Variants in DNAL1 observed in about 807,000 individuals in gnomAD.
DNAL1 encodes the protein dynein axonemal light chain 1.
A neutral mutation model predicts 29.4 loss-of-function variants in DNAL1; 17 were observed. The observed-to-expected ratio is 0.58, with a 90% CI of 0.40 to 0.87. DNAL1 has a LOEUF of 0.87. Among genes scored for constraint, DNAL1 ranks in the 40% least tolerant of loss-of-function variants. The pLI is 0.00. For synonymous variants in DNAL1, 78 were observed against 76.3 expected (o/e 1.02, Z -0.12); for missense variants, 188 against 214.1 (o/e 0.88, Z 0.76).
intron 1 of DNAL1, among the ~76,000 whole-genome samples, chr14:73,649,196 G>A (rs1451301314): frequency 1.3e-5 from 2 of 151,522 alleles, no homozygotes; most frequent in Admixed American, 6.6e-5. Context: ...GGCTGGTCTC[G>A]AACTCTTGAC....
At chr14:73,650,237 C>T (rs571927915) in intron 1 of DNAL1, among the ~76,000 whole-genome samples, 1 of 152,296 alleles carries the variant, frequency 6.6e-6, no homozygotes, top group South Asian at 2.1e-4. Context: ...GATCCTCTGA[C>T]CTCAGCCTCC....
At chr14:73,647,796 G>A (rs966135637) in intron 1 of DNAL1, among the ~76,000 whole-genome samples, 2 of 152,178 alleles carry the variant, frequency 1.3e-5, no homozygotes, top group African/African-American at 4.8e-5. Flanking sequence ...TACTAACAGT[G>A]TTGTGAAAAT....
At chr14:73,649,428 G>T (rs370132953) in intron 1 of DNAL1, among the ~76,000 whole-genome samples, 5 of 150,856 alleles carry the variant, frequency 3.3e-5, no homozygotes, top group Non-Finnish European at 7.4e-5. Flanking sequence ...GACTACAGGC[G>T]CCTGCCACCA....
chr14:73,645,163 C>A, intron 1 of DNAL1, 121 bp downstream of exon 1: 1 of 1,524,890 alleles, frequency 6.6e-7, no homozygotes, highest in Non-Finnish European at 8.9e-7. Flanking sequence ...GTAGCTGACG[C>A]TAGCTCTGTG....
At position 73,676,013 on chromosome 14, in the gene DNAL1, C is replaced by T. The variant is rs184375581; in HGVS notation, c.264+4416C>T. Among the ~76,000 whole-genome samples, 767 of 151,324 alleles carry T rather than the reference C, an allele frequency of 5.1e-3. 3 individuals carry two copies. The highest frequency in any genetic ancestry group is 8.1e-3 in the Non-Finnish European group (552 of 67,884). On this transcript the variant is annotated intron_variant, in intron 5 of 7. Coordinates refer to ENST00000553645, the MANE Select transcript of DNAL1 (RefSeq NM_031427.4). ...TGGGCAACAGAGTGAGACTTTGTCT[C>T]GATAAATAAATAAATAAGTAAATAA...
intron 5 of DNAL1, among the ~76,000 whole-genome samples, chr14:73,678,812 A>G (rs1891806517): frequency 6.6e-6 from 1 of 152,170 alleles, no homozygotes; most frequent in Non-Finnish European, 1.5e-5. Flanking sequence ...TGCATTGAGG[A>G]AAAACAATGA....
At chr14:73,654,759 A>T in intron 1 of DNAL1, 88 bp from the exon 2 acceptor site, 1 of 1,275,678 alleles carries the variant, frequency 7.8e-7, no homozygotes. Context: ...ATTCTGTCTC[A>T]AAATAAATAC....
chr14:73,688,672 A>G (rs184608301), intron 6 of DNAL1, among the ~76,000 whole-genome samples: 20 of 152,300 alleles, frequency 1.3e-4, no homozygotes, highest in Admixed American at 1.1e-3. Flanking sequence ...TACAGATTTG[A>G]ATGTGTTGTT....
intron 5 of DNAL1, among the ~76,000 whole-genome samples, chr14:73,681,309 T>G (rs1425104891): frequency 6.6e-6 from 1 of 151,532 alleles, no homozygotes; most frequent in Non-Finnish European, 1.5e-5. Context: ...AGTTTTTATA[T>G]TTTTTACTAG....
At chr14:73,667,610 C>T (rs546825769) in intron 4 of DNAL1, among the ~76,000 whole-genome samples, 50 of 152,206 alleles carry the variant, frequency 3.3e-4, no homozygotes, top group African/African-American at 1.1e-3. Flanking sequence ...GCGATCCTCC[C>T]ACCTCAGCCT....
At chr14:73,671,961 A>G (rs1187325260) in intron 5 of DNAL1, among the ~76,000 whole-genome samples, 2 of 152,248 alleles carry the variant, frequency 1.3e-5, no homozygotes, top group Non-Finnish European at 2.9e-5. Flanking sequence ...CTGTTCCCGA[A>G]AAGACAATAC....
chr14:73,665,401 G>C (rs1317401110), intron 4 of DNAL1, among the ~76,000 whole-genome samples: 4 of 152,094 alleles, frequency 2.6e-5, no homozygotes, highest in Non-Finnish European at 5.9e-5. Flanking sequence ...GAAGTAACTT[G>C]CTTAATAACT....
chr14:73,695,078 C>T (rs1892272186), intron 7 of DNAL1, among the ~76,000 whole-genome samples: 1 of 66,698 alleles, frequency 1.5e-5, no homozygotes, highest in South Asian at 4.1e-4. Context: ...TTTTTTGAGA[C>T]AGGGTCTTAC....
At chr14:73,686,687 GAC>G (rs1158377080) in intron 5 of DNAL1, among the ~76,000 whole-genome samples, 1 of 152,178 alleles carries the variant, frequency 6.6e-6, no homozygotes, top group African/African-American at 2.4e-5. Context: ...CAGTCTGGGT[GAC>G]AGAGTGAGAC....
intron 4 of DNAL1, among the ~76,000 whole-genome samples, chr14:73,665,492 A>G (rs1271888645): frequency 1.3e-5 from 2 of 152,186 alleles, no homozygotes; most frequent in Non-Finnish European, 2.9e-5. Context: ...TTTTCTTTAT[A>G]TAAAAACATG....
chr14:73,672,433 A>G (rs1306606511), intron 5 of DNAL1, among the ~76,000 whole-genome samples: 1 of 151,716 alleles, frequency 6.6e-6, no homozygotes, highest in Non-Finnish European at 1.5e-5. Flanking sequence ...GTGAAACCCT[A>G]TCTCTATTAA....
intron 7 of DNAL1, among the ~76,000 whole-genome samples, chr14:73,695,047 G>GT (rs1785845154): frequency 1.0e-5 from 1 of 96,688 alleles, no homozygotes; most frequent in African/African-American, 4.2e-5. Context: ...GTACTTGTTG[G>GT]CTTTTTTTTT....
chr14:73,654,849 G>A lies in DNAL1; in HGVS notation c.6G>A (p.Ala2=), dbSNP rs1265630707. M[A]KATTIKEALA... ...CTTTCTTTTTTTTTTTTTTAAAGGC[G>A]AAAGCAACAACAATCAAAGAAGCCT... Residue 2 remains alanine, a splice_region_variant and synonymous_variant, in exon 2 of 8, where the codon GCG becomes GCA. Coordinates refer to ENST00000553645, the MANE Select transcript of DNAL1 (RefSeq NM_031427.4). 136 of 1,507,530 alleles carry A rather than the reference G, an allele frequency of 9.0e-5. No individual in the cohort carries two copies. The highest frequency in any genetic ancestry group is 3.9e-4 in the African/African-American group (27 of 69,122). 93.4% of individuals were successfully genotyped at this position (1,507,530 alleles called of 1,614,324 possible). A position where few individuals can be genotyped will look rare whatever the true frequency, so the allele number is the denominator to read the frequency against.
intron 2 of DNAL1, among the ~76,000 whole-genome samples, chr14:73,657,165 CAT>C (rs1891237688): frequency 6.6e-6 from 1 of 151,960 alleles, no homozygotes; most frequent in Non-Finnish European, 1.5e-5. Context: ...TTATACAAAA[CAT>C]AGGAAAACAA....
Sources: allele counts gnomAD v4.1 joint callset (sites outside exome capture counted in the v4.1 genomes callset), GRCh38; gene constraint gnomAD v4.1.1; transcripts MANE v1.5; gene names NCBI Gene and HGNC (gene_info 2026-07-23, HGNC 2026-07-21).